Variants in FNBP1 observed in about 807,000 individuals in gnomAD.
FNBP1 encodes formin binding protein 1, also known as formin-binding protein 1.
In FNBP1, 26 loss-of-function variants were observed where a neutral mutation model predicts 90.6. That is an observed-to-expected ratio of 0.29 (90% CI 0.21 to 0.40). FNBP1 has a LOEUF of 0.40. Ranked by LOEUF, FNBP1 falls within the 10% of genes least tolerant of loss-of-function variation. The probability of loss-of-function intolerance (pLI) is 1.00; values close to 1 mark genes in which losing one functional copy is unlikely to be tolerated. For synonymous variants in FNBP1, 260 were observed against 265.2 expected (o/e 0.98, Z 0.19); for missense variants, 635 against 768.0 (o/e 0.83, Z 2.05).
intron 8 of FNBP1, among the ~76,000 whole-genome samples, chr9:129,926,345 A>G (rs1375165547): frequency 1.3e-5 from 2 of 152,292 alleles, no homozygotes; most frequent in East Asian, 1.9e-4. Context: ...GTTCTAGTTT[A>G]TATTTTTTTG....
intron 12 of FNBP1, 128 bp from the exon 13 acceptor site, chr9:129,903,129 G>T: frequency 1.2e-6 from 1 of 849,608 alleles, no homozygotes; most frequent in Non-Finnish European, 1.8e-6. Flanking sequence ...TTGGCTCACT[G>T]CAACCTTCAC....
rs200187792 is a variant in FNBP1, at chr9:129,895,872, T to G, written c.1812A>C (p.Ser604=). The change falls in exon 16 of 17, where the codon TCA becomes TCC. Residue 604 remains serine (S), a synonymous_variant. Transcript: ENST00000446176. The stretch of plus-strand genomic sequence containing the variant: ...TTTTGTCCAAACAGACTTCGACATA[T>G]GAAGTGGGGACATAACCCTCTTCAT... ...NEDEEGYVPT[S]YVEVCLDKNA... 1.2e-5 allele frequency: 20 copies of G among 1,613,252 alleles called. No individual in the cohort carries two copies. The highest frequency in any genetic ancestry group is 6.7e-5 in the Admixed American group (4 of 59,886).
chr9:130,050,814 G>GT, the FNBP1 span, among the ~76,000 whole-genome samples: 1,340 of 37,106 alleles, frequency 0.036, 16 homozygotes, highest in African/African-American at 0.059. Flanking sequence ...TAATTTTTGT[G>GT]TTTTTTTTTT....
intron 4 of FNBP1, among the ~76,000 whole-genome samples, chr9:129,965,708 G>GCACACA (rs5900877): frequency 0.061 from 8,856 of 145,468 alleles, 438 homozygotes; most frequent in Admixed American, 0.11. Flanking sequence ...GCGCGCGCGC[G>GCACACA]CACACACACA....
chr9:129,964,811 A>G (rs1210006902), intron 4 of FNBP1, among the ~76,000 whole-genome samples: 2 of 151,804 alleles, frequency 1.3e-5, no homozygotes, highest in Non-Finnish European at 2.9e-5. Flanking sequence ...ATATTAAACC[A>G]TTAACAGTTA....
chr9:129,909,539 T>G (rs1457817668), intron 11 of FNBP1, among the ~76,000 whole-genome samples: 1 of 151,664 alleles, frequency 6.6e-6, no homozygotes, highest in Admixed American at 6.6e-5. Context: ...CCTCAGAGAA[T>G]GTGGGTGAAA....
intron 1 of FNBP1, among the ~76,000 whole-genome samples, chr9:130,032,037 T>G (rs562374295): frequency 5.7e-4 from 86 of 152,194 alleles, no homozygotes; most frequent in Admixed American, 2.2e-3. Context: ...CCACCACTAC[T>G]CCTCTTGCCA....
chr9:129,981,138 G>A (rs986357166), intron 2 of FNBP1, among the ~76,000 whole-genome samples: 1 of 151,966 alleles, frequency 6.6e-6, no homozygotes, highest in South Asian at 2.1e-4. Flanking sequence ...TCCCAGGCTG[G>A]AGTGCAGTGG....
intron 4 of FNBP1, among the ~76,000 whole-genome samples, chr9:129,970,031 G>A (rs1209380564): frequency 6.7e-6 from 1 of 150,134 alleles, no homozygotes; most frequent in Non-Finnish European, 1.5e-5. Flanking sequence ...TGGGACTACA[G>A]GCACCTCCCA....
Position 129,940,329 on chromosome 9 carries a change from G to T in FNBP1, c.514-10634C>A, listed in dbSNP as rs78230022. 3.4e-4 allele frequency among the ~76,000 whole-genome samples: 52 copies of T among 152,164 alleles called. 2 individuals are homozygous for T. In the South Asian group the frequency reaches 0.011, roughly 31 times the overall value. On this transcript the variant is annotated intron_variant, in intron 6 of 16. Coordinates refer to ENST00000446176, the MANE Select transcript of FNBP1 (RefSeq NM_015033.3). ...ATAAGATGCTCTAAATATAGATCAG[G>T]TATATCTTCAAAAGAATAAAATGGA... is the stretch of plus-strand genomic sequence containing the variant.
intron 2 of FNBP1, among the ~76,000 whole-genome samples, chr9:129,984,844 G>A (rs1217487658): frequency 1.3e-5 from 2 of 152,002 alleles, no homozygotes; most frequent in African/African-American, 2.4e-5. Flanking sequence ...TTCCCTTGCC[G>A]CTGCCATGTA....
At position 129,888,667 on chromosome 9, in the gene FNBP1, C is replaced by T. The variant is rs553499090; in HGVS notation, c.*1872G>A. On this transcript the variant is annotated 3_prime_UTR_variant, in exon 17 of 17. Transcript: ENST00000446176. Reference sequence around the variant, plus strand: ...GCTCACCTACTTTAAAAACCCAAAGCCACTTCCTCTTCACCTGCCTGGGCC... The same window carrying T: ...GCTCACCTACTTTAAAAACCCAAAGTCACTTCCTCTTCACCTGCCTGGGCC... 2.6e-5 allele frequency: 6 copies of T among 233,194 alleles called. No individual in the cohort carries two copies. The highest frequency in any genetic ancestry group is 1.3e-4 in the African/African-American group (6 of 45,462). The allele number at this position is 233,194 out of a possible 1,614,324, so 14.4% of individuals were successfully genotyped here.
At chr9:129,943,465 C>T (rs1287555912) in intron 6 of FNBP1, among the ~76,000 whole-genome samples, 1 of 134,492 alleles carries the variant, frequency 7.4e-6, no homozygotes, top group Admixed American at 8.7e-5. Context: ...TGGCTCACTG[C>T]AACCTTTGCC....
upstream of FNBP1, among the ~76,000 whole-genome samples, chr9:130,043,377 G>C (rs569342498): frequency 1.3e-5 from 2 of 152,238 alleles, no homozygotes; most frequent in African/African-American, 4.8e-5. Context: ...AGGTGTGAGG[G>C]ACGGCGGGAC....
chr9:129,895,536 C>T lies in FNBP1; in HGVS notation c.1846+302G>A, dbSNP rs2035570987. 6.6e-6 allele frequency: 8 copies of T among 1,220,814 alleles called. No individual in the cohort carries two copies. In the African/African-American group the frequency reaches 1.3e-4, roughly 19 times the overall value. The allele number at this position is 1,220,814 out of a possible 1,614,324, so 75.6% of individuals were successfully genotyped here. A position where few individuals can be genotyped will look rare whatever the true frequency, so the allele number is the denominator to read the frequency against. ...ACAATGCAACTTTTTTTTTAATCTA[C>T]AGATACCGCCAAAAGAAGAAATGTT... On this transcript the variant is annotated intron_variant, in intron 16 of 16. Transcript: ENST00000446176.
chr9:129,932,264 G>C (rs2042881683), intron 6 of FNBP1, among the ~76,000 whole-genome samples: 2 of 151,642 alleles, frequency 1.3e-5, no homozygotes, highest in East Asian at 3.9e-4. Context: ...GAAAGAAAGA[G>C]AAAGTGAAAG....
intron 4 of FNBP1, among the ~76,000 whole-genome samples, chr9:129,964,911 C>T (rs76701800): frequency 0.071 from 10,558 of 149,272 alleles, 457 homozygotes; most frequent in Admixed American, 0.12. Context: ...CAACTGAGAA[C>T]AGTCAACCAT....
intron 6 of FNBP1, among the ~76,000 whole-genome samples, chr9:129,945,717 C>G (rs78199638): frequency 0.041 from 6,281 of 152,262 alleles, 237 homozygotes; most frequent in African/African-American, 0.099. Flanking sequence ...CCGAAGAAAA[C>G]CTAAACTACT....
chr9:129,926,941 T>A (rs1018355025), intron 8 of FNBP1, among the ~76,000 whole-genome samples: 1 of 151,450 alleles, frequency 6.6e-6, no homozygotes, highest in African/African-American at 2.4e-5. Context: ...AACCCTGCCT[T>A]AGAGGAAACA....
Sources: allele counts gnomAD v4.1 joint callset (sites outside exome capture counted in the v4.1 genomes callset), GRCh38; gene constraint gnomAD v4.1.1; transcripts MANE v1.5; gene names NCBI Gene and HGNC (gene_info 2026-07-23, HGNC 2026-07-21).